The following PHF24 variants were observed in gnomAD, a reference collection of about 807,000 sequenced individuals.
PHF24 encodes the protein Galpha inhibitory interacting protein.
A neutral mutation model predicts 42.6 loss-of-function variants in PHF24; 25 were observed. The ratio of observed to expected loss-of-function variants is 0.59; its 90% CI spans 0.43 to 0.82. The LOEUF (loss-of-function observed/expected upper bound fraction) is 0.82, where lower values mean the gene tolerates loss of function less well. Ranked by LOEUF, PHF24 falls within the 40% of genes least tolerant of loss-of-function variation. The pLI, the probability that PHF24 is intolerant of heterozygous loss-of-function variation, is 0.00. For synonymous variants in PHF24, 185 were observed against 204.8 expected (o/e 0.90, Z 0.83); for missense variants, 470 against 538.1 (o/e 0.87, Z 1.25).
At chr9:34,681,114 T>C in the PHF24 span, 2 of 152,366 alleles carry the variant, frequency 1.3e-5, no homozygotes, top group South Asian at 4.1e-4. Context: ...TGGAAGCCTG[T>C]GTTGAGATGA....
chr9:34,861,474 A>G, the PHF24 span, among the ~76,000 whole-genome samples: 5 of 152,336 alleles, frequency 3.3e-5, no homozygotes, highest in East Asian at 9.6e-4. Flanking sequence ...CACAGGAGGT[A>G]TAAGATTATC....
At chr9:34,890,565 T>C in the PHF24 span, among the ~76,000 whole-genome samples, 1 of 152,202 alleles carries the variant, frequency 6.6e-6, no homozygotes, top group Admixed American at 6.5e-5. Flanking sequence ...CGGCAAGCTG[T>C]TCTTTCAGTC....
the PHF24 span, among the ~76,000 whole-genome samples, chr9:34,760,876 C>T: frequency 0.29 from 44,014 of 151,984 alleles, 6,832 homozygotes; most frequent in Admixed American, 0.35. Context: ...CCTGTAGTCC[C>T]AGCTACACGG....
the PHF24 span, among the ~76,000 whole-genome samples, chr9:34,696,521 A>G: frequency 6.6e-6 from 1 of 151,188 alleles, no homozygotes; most frequent in South Asian, 2.1e-4. Flanking sequence ...TAGACCAGGA[A>G]CTTCTAACTC....
chr9:34,872,061 G>C, the PHF24 span, among the ~76,000 whole-genome samples: 11 of 151,754 alleles, frequency 7.2e-5, no homozygotes, highest in South Asian at 2.3e-3. Flanking sequence ...CTTTCATCAG[G>C]GTTTTGCATA....
chr9:34,753,741 A>T, the PHF24 span, among the ~76,000 whole-genome samples: 1 of 152,208 alleles, frequency 6.6e-6, no homozygotes, highest in Non-Finnish European at 1.5e-5. Flanking sequence ...TTCAAATTGT[A>T]CTACAGAGGT....
chr9:34,873,579 A>G, the PHF24 span, among the ~76,000 whole-genome samples: 1 of 151,126 alleles, frequency 6.6e-6, no homozygotes, highest in Non-Finnish European at 1.5e-5. Context: ...TGTTTTGGTA[A>G]CAGTACCATG....
chr9:34,750,010 A>C, the PHF24 span, among the ~76,000 whole-genome samples: 1 of 152,178 alleles, frequency 6.6e-6, no homozygotes, highest in Admixed American at 6.5e-5. Context: ...CATGAAGGAG[A>C]ATTAAACACT....
At chr9:34,784,737 T>G in the PHF24 span, among the ~76,000 whole-genome samples, 2 of 152,202 alleles carry the variant, frequency 1.3e-5, no homozygotes, top group Non-Finnish European at 2.9e-5. Flanking sequence ...TCAGTGATTA[T>G]TAAGTGCAAA....
At chr9:34,883,556 A>T in the PHF24 span, among the ~76,000 whole-genome samples, 7 of 152,252 alleles carry the variant, frequency 4.6e-5, no homozygotes, top group Non-Finnish European at 1.5e-5. Context: ...TGGGTGAAGG[A>T]TATGAACAGA....
chr9:34,836,386 A>T, the PHF24 span, among the ~76,000 whole-genome samples: 2 of 152,202 alleles, frequency 1.3e-5, no homozygotes, highest in African/African-American at 2.4e-5. Context: ...TGGTTAGCTG[A>T]TGGGGCATAA....
chr9:34,826,861 A>G, the PHF24 span, among the ~76,000 whole-genome samples: 1 of 152,216 alleles, frequency 6.6e-6, no homozygotes, highest in Non-Finnish European at 1.5e-5. Context: ...TATACCCTTC[A>G]TGTGACTTTT....
chr9:34,926,160 C>G, the PHF24 span, among the ~76,000 whole-genome samples: 1 of 152,200 alleles, frequency 6.6e-6, no homozygotes, highest in African/African-American at 2.4e-5. This position sits in a 1 kb window ranked among gnomAD's most constrained non-coding sequence, Gnocchi z 4.3. Flanking sequence ...GCCTGTTTCT[C>G]AGGTCAGAGG....
At chr9:34,831,376 G>A in the PHF24 span, among the ~76,000 whole-genome samples, 1 of 152,194 alleles carries the variant, frequency 6.6e-6, no homozygotes, top group South Asian at 2.1e-4. Context: ...TGGTGGAGAA[G>A]GGCTCCAGGC....
At chr9:34,735,673 C>T in the PHF24 span, among the ~76,000 whole-genome samples, 10 of 151,646 alleles carry the variant, frequency 6.6e-5, no homozygotes, top group Non-Finnish European at 1.3e-4. Context: ...GTGGCAGATG[C>T]CTGTAATCCC....
the PHF24 span, among the ~76,000 whole-genome samples, chr9:34,712,459 A>G: frequency 6.0e-5 from 9 of 151,066 alleles, no homozygotes; most frequent in African/African-American, 1.9e-4. Flanking sequence ...AGGCTCGTTT[A>G]TTTTTCTTCT....
the PHF24 span, among the ~76,000 whole-genome samples, chr9:34,755,090 A>G: frequency 6.6e-6 from 1 of 152,042 alleles, no homozygotes; most frequent in African/African-American, 2.4e-5. Flanking sequence ...GGGAAGTAGG[A>G]TTGGTTAATA....
chr9:34,862,133 T>A, the PHF24 span, among the ~76,000 whole-genome samples: 5 of 152,116 alleles, frequency 3.3e-5, no homozygotes, highest in African/African-American at 1.2e-4. Context: ...AAATCACCCA[T>A]CCCAGTAGTG....
chr9:34,874,464 A>AC, the PHF24 span, among the ~76,000 whole-genome samples: 1 of 152,062 alleles, frequency 6.6e-6, no homozygotes, highest in African/African-American at 2.4e-5. Context: ...TCTTATATGT[A>AC]CCCCACTGCC....
Sources: allele counts gnomAD v4.1 joint callset (sites outside exome capture counted in the v4.1 genomes callset), GRCh38; gene constraint gnomAD v4.1.1; non-coding constraint Gnocchi (gnomAD v3.1); transcripts MANE v1.5; gene names NCBI Gene and HGNC (gene_info 2026-07-23, HGNC 2026-07-21).